The following MYOT variants were observed in gnomAD, a reference collection of about 807,000 sequenced individuals.
MYOT encodes the protein 57 kDa cytoskeletal protein.
A neutral mutation model predicts 58.0 loss-of-function variants in MYOT; 36 were observed. The observed-to-expected ratio is 0.62, with a 90% CI of 0.48 to 0.82. The LOEUF is 0.82. MYOT is among the 40% of genes least tolerant of loss of function. The pLI is 0.00. For synonymous variants in MYOT, 218 were observed against 204.6 expected (o/e 1.07, Z -0.56); for missense variants, 505 against 592.1 (o/e 0.85, Z 1.53).
chr5:137,876,519 C>T (rs1346348797), intron 3 of MYOT, among the ~76,000 whole-genome samples: 1 of 152,182 alleles, frequency 6.6e-6, no homozygotes, highest in Non-Finnish European at 1.5e-5. Flanking sequence ...ATAAAAGTTA[C>T]TTCTGGCTGG....
At chr5:137,879,588 G>A (rs1372566717) in intron 4 of MYOT, among the ~76,000 whole-genome samples, 3 of 138,324 alleles carry the variant, frequency 2.2e-5, no homozygotes, top group South Asian at 2.3e-4. Flanking sequence ...ACAATGGCGC[G>A]ATCTCGGCTC....
chr5:137,873,118 A>G (rs1755101337), intron 2 of MYOT, among the ~76,000 whole-genome samples: 3 of 152,190 alleles, frequency 2.0e-5, no homozygotes, highest in African/African-American at 4.8e-5. Context: ...AGGACTTCTC[A>G]GATATATTCA....
At chr5:137,878,444 C>A (rs1244647080) in intron 4 of MYOT, among the ~76,000 whole-genome samples, 1 of 151,762 alleles carries the variant, frequency 6.6e-6, no homozygotes, top group Non-Finnish European at 1.5e-5. Flanking sequence ...AACGCCTCGG[C>A]CTCCAAAAGT....
intron 2 of MYOT, among the ~76,000 whole-genome samples, chr5:137,872,347 A>G (rs1755077143): frequency 6.6e-6 from 1 of 152,086 alleles, no homozygotes; most frequent in Admixed American, 6.6e-5. Context: ...TATTATTTCC[A>G]TATTTCCTAT....
At position 137,886,966 on chromosome 5, in the gene MYOT, G is replaced by T; in HGVS notation, c.1293G>T (p.Val431=). Residue 431 remains valine, a synonymous_variant, in exon 9 of 10, where the codon GTG becomes GTT. Coordinates refer to ENST00000239926, the MANE Select transcript of MYOT (RefSeq NM_006790.3). ...YTVSAVNEAG[V]TTCNTRLDVT... ...TGTCAGCAGTTAATGAAGCTGGAGT[G>T]ACTACATGTAACACAAGATTAGACG... The T allele has an allele frequency of 1.9e-6, 3 of 1,613,592 alleles. No individual in the cohort carries two copies. The highest frequency in any genetic ancestry group is 2.2e-5 in the South Asian group (2 of 91,044).
intron 3 of MYOT, 105 bp downstream of exon 3, chr5:137,876,108 A>AT: frequency 8.5e-7 from 1 of 1,174,758 alleles, no homozygotes. Context: ...TCAACAAGGA[A>AT]TAAGATTATC....
In MYOT at chr5:137,883,370, G is replaced by A. The variant is rs760731643; in HGVS notation, c.817-14G>A. 9.3e-6 allele frequency: 15 copies of A among 1,611,336 alleles called. No homozygotes were observed. The highest frequency in any genetic ancestry group is 1.3e-5 in the Non-Finnish European group (15 of 1,177,782). On this transcript the variant is annotated splice_polypyrimidine_tract_variant and intron_variant, in intron 6 of 9. Coordinates refer to ENST00000239926, the MANE Select transcript of MYOT (RefSeq NM_006790.3). ...CTTTAAAATTCTGCCATCTCCTTGTGTTTTTCTTTCTAGGTGAGTGGACTG... is the reference window on the plus strand; with the variant it reads ...CTTTAAAATTCTGCCATCTCCTTGTATTTTTCTTTCTAGGTGAGTGGACTG...
chr5:137,879,688 C>CTTTTTTTTTTTTT, intron 4 of MYOT, among the ~76,000 whole-genome samples: 2 of 94,494 alleles, frequency 2.1e-5, no homozygotes, highest in Non-Finnish European at 4.1e-5. Context: ...CCACACCCGG[C>CTTTTTTTTTTTTT]TTTTTTTTTT....
chr5:137,876,352 T>C (rs558847439), intron 3 of MYOT, among the ~76,000 whole-genome samples: 4 of 152,350 alleles, frequency 2.6e-5, no homozygotes, highest in South Asian at 2.1e-4. Flanking sequence ...CAGGTAATTA[T>C]TGCTATAATT....
intron 9 of MYOT, 28 bp downstream of exon 9, chr5:137,887,025 A>G: frequency 1.9e-6 from 3 of 1,603,626 alleles, no homozygotes. Flanking sequence ...CCAAAGTATT[A>G]TAAGGGATTT....
intron 8 of MYOT, 139 bp downstream of exon 8, chr5:137,886,352 A>T (rs1235516750): frequency 4.9e-6 from 2 of 411,664 alleles, no homozygotes; most frequent in Non-Finnish European, 4.1e-6. Flanking sequence ...AATAAAATAT[A>T]TATTAGATAA....
At position 137,887,123 on chromosome 5, in the gene MYOT, T is replaced by C. The variant is rs574849911; in HGVS notation, c.1325-90T>C. The C allele has an allele frequency of 1.9e-5, 30 of 1,581,406 alleles. 1 individual carries two copies. The East Asian group carries it at 4.9e-4, about 26-fold the overall frequency. On this transcript the variant is annotated intron_variant, in intron 9 of 9. Coordinates refer to ENST00000239926, the MANE Select transcript of MYOT (RefSeq NM_006790.3). ...CCATATATAATCAGTTTTGGTTCTT[T>C]TTTCTTTTCCTGTCTGATAATAAAT... is the stretch of plus-strand genomic sequence containing the variant.
chr5:137,870,387 A>T, intron 1 of MYOT, 54 bp from the exon 2 acceptor site: 1 of 562,646 alleles, frequency 1.8e-6, no homozygotes. Flanking sequence ...GATGTCAAAT[A>T]AACAATGTTA....
In MYOT at chr5:137,875,882, C is replaced by T; in HGVS notation, c.410C>T (p.Ala137Val). The T allele has an allele frequency of 6.2e-7, 1 of 1,614,048 alleles. No individual in the cohort carries two copies. The highest frequency in any genetic ancestry group is 2.2e-5 in the East Asian group (1 of 44,856). Residue 137 changes from alanine (A) to valine (V), a missense_variant, in exon 3 of 10, where the codon GCA becomes GTA. By Grantham distance (64) the Ala-to-Val change is moderately conservative (BLOSUM62 0). Coordinates refer to ENST00000239926, the MANE Select transcript of MYOT (RefSeq NM_006790.3). ...QPINAKPSQT[A>V]NAKPIPRTPD... is the part of the protein sequence containing the mutation. ...ATAAATGCAAAGCCATCCCAAACTG[C>T]AAATGCTAAGCCCATACCAAGAACT...
intron 7 of MYOT, 176 bp downstream of exon 7, chr5:137,883,767 C>CACAT (rs1317156873): frequency 4.9e-6 from 3 of 608,096 alleles, no homozygotes; most frequent in Non-Finnish European, 8.7e-6. Flanking sequence ...TATATACACA[C>CACAT]ACATACATAC....
At position 137,870,879 on chromosome 5, in the gene MYOT, TGCTGGCTCCA is replaced by T; in HGVS notation, c.229_238del (p.Ala77ThrfsTer50). ...CTTTCCCTGCTTCTCCCCAGCAGCA[TGCTGGCTCCA>T]ACCCAGGCCAAAGGGTTACAACCAC... On this transcript the variant is annotated frameshift_variant, in exon 2 of 10. Transcript: ENST00000239926. LOFTEE classifies it high-confidence loss of function. The T allele has an allele frequency of 1.2e-6, 2 of 1,614,226 alleles. No homozygotes were observed. The highest frequency in any genetic ancestry group is 1.7e-6 in the Non-Finnish European group (2 of 1,180,038).
At chr5:137,881,653 C>T (rs1755433744) in intron 5 of MYOT, among the ~76,000 whole-genome samples, 1 of 152,126 alleles carries the variant, frequency 6.6e-6, no homozygotes, top group Non-Finnish European at 1.5e-5. Flanking sequence ...CATGTTCACA[C>T]CACCACTATA....
chr5:137,878,590 C>T (rs1002029155), intron 4 of MYOT, among the ~76,000 whole-genome samples: 2 of 151,774 alleles, frequency 1.3e-5, no homozygotes, highest in African/African-American at 4.8e-5. Flanking sequence ...TTTGGGAGGC[C>T]GAGGTGGGTG....
rs1755455003 is a variant in MYOT at position 137,882,089 on chromosome 5, G to A, written c.800G>A (p.Cys267Tyr). ...ATGTCGATTGATGAAGGAAGATTCT[G>A]CAGAATGGACTTCAAAGTAAGAGAA... ...ENMSIDEGRF[C>Y]RMDFKVSGLP... Residue 267 changes from cysteine to tyrosine, a missense_variant, in exon 6 of 10, where the codon TGC (cysteine) becomes TAC (tyrosine). By Grantham distance (194) the Cys-to-Tyr change is radical. Transcript: ENST00000239926. 1 of 1,614,196 alleles carries A rather than the reference G, an allele frequency of 6.2e-7. No individual in the cohort carries two copies. The highest frequency in any genetic ancestry group is 8.5e-7 in the Non-Finnish European group (1 of 1,180,014).
Sources: allele counts gnomAD v4.1 joint callset (sites outside exome capture counted in the v4.1 genomes callset), GRCh38; gene constraint gnomAD v4.1.1; transcripts MANE v1.5; gene names NCBI Gene and HGNC (gene_info 2026-07-23, HGNC 2026-07-21).